Variants in PWWP2B observed in about 807,000 individuals in gnomAD.
PWWP2B encodes the protein PWWP domain containing 2B, also known as PWWP domain-containing protein 2B.
PWWP2B carries 9 observed loss-of-function variants against 15.5 expected under a neutral mutation model. The ratio of observed to expected loss-of-function variants is 0.58; its 90% CI spans 0.35 to 1.02. PWWP2B has a LOEUF of 1.02. Ranked by LOEUF, PWWP2B falls within the 50% of genes least tolerant of loss-of-function variation. The pLI, the probability that PWWP2B is intolerant of heterozygous loss-of-function variation, is 0.02. For synonymous variants in PWWP2B, 474 were observed against 403.6 expected, an observed-to-expected ratio of 1.17 and a Z score of -2.09; for missense variants, 864 against 865.3, an observed-to-expected ratio of 1.00 and a Z score of 0.02.
At position 132,412,016 on chromosome 10, in the gene PWWP2B, TGCAGG is replaced by T. The variant is rs754336402; in HGVS notation, c.*17-5043_*17-5039del. Reference sequence around the variant, plus strand: ...CAGAGGCCTGTAATTCTGAGCCTGCTGCAGGGGCTCAGGCCCCGCCCTACCTCCTG... The same window carrying T: ...CAGAGGCCTGTAATTCTGAGCCTGCTGGCTCAGGCCCCGCCCTACCTCCTG... On this transcript the variant is annotated intron_variant, in intron 2 of 2. Transcript: ENST00000305233. Among the ~76,000 whole-genome samples, 14 of 152,404 alleles carry T rather than the reference TGCAGG, an allele frequency of 9.2e-5. No homozygotes were observed. In the South Asian group the frequency reaches 1.0e-3, roughly 11 times the overall value.
Position 132,404,896 on chromosome 10 carries a change from C to T in PWWP2B, c.396C>T (p.Leu132=), listed in dbSNP as rs770475562. 1 of 1,595,280 alleles carries T rather than the reference C, an allele frequency of 6.3e-7. No individual in the cohort carries two copies. The highest frequency in any genetic ancestry group is 8.5e-7 in the Non-Finnish European group (1 of 1,178,316). Residue 132 remains leucine, a synonymous_variant, in exon 2 of 3, where the codon CTC becomes CTT. Transcript: ENST00000305233. ...CCCCCTTCCCTCACCCGCTGTGGCT[C>T]CGGGACACGTACAAGCTGTGGGTGC... is the stretch of plus-strand genomic sequence containing the variant. The part of the protein sequence containing the change: ...EGAPFPHPLW[L]RDTYKLWVPQ...
At chr10:132,404,556 T>TG in intron 1 of PWWP2B, 70 bp from the exon 2 acceptor site, 1 of 1,382,186 alleles carries the variant, frequency 7.2e-7, no homozygotes, top group Non-Finnish European at 1.0e-6. Context: ...GCCTTGGCTC[T>TG]GGGGGCTGGT....
intron 2 of PWWP2B, among the ~76,000 whole-genome samples, chr10:132,411,184 T>C (rs2069774993): frequency 6.6e-6 from 1 of 152,148 alleles, no homozygotes; most frequent in Non-Finnish European, 1.5e-5. Context: ...CAAGAATCCC[T>C]CTTGCCTCCA....
At chr10:132,410,973 C>T (rs2069771464) in intron 2 of PWWP2B, among the ~76,000 whole-genome samples, 1 of 152,218 alleles carries the variant, frequency 6.6e-6, no homozygotes, top group Non-Finnish European at 1.5e-5. Context: ...CAGCCTCCGT[C>T]AGCAGTTGGG....
chr10:132,409,711 G>A (rs1172150917), intron 2 of PWWP2B, among the ~76,000 whole-genome samples: 1 of 151,370 alleles, frequency 6.6e-6, no homozygotes, highest in Non-Finnish European at 1.5e-5. Context: ...GGGGCCAAAT[G>A]GGGAGGGCTG....
chr10:132,416,737 G>A (rs950798147), intron 2 of PWWP2B, among the ~76,000 whole-genome samples: 2 of 152,096 alleles, frequency 1.3e-5, no homozygotes, highest in Non-Finnish European at 2.9e-5. Flanking sequence ...CCCGGCACAG[G>A]CATGGTCGTC....
intron 1 of PWWP2B, among the ~76,000 whole-genome samples, chr10:132,402,911 C>G (rs1221184146): frequency 2.0e-5 from 3 of 152,238 alleles, no homozygotes; most frequent in Admixed American, 2.0e-4. Context: ...CCAGGTGTGG[C>G]CCGCTGGCCC....
chr10:132,405,278 C>T lies in PWWP2B; in HGVS notation c.778C>T (p.Pro260Ser). The change falls in exon 2 of 3, where the codon CCC (proline) becomes TCC (serine). Residue 260 changes from proline to serine, a missense_variant. By Grantham distance (74) the Pro-to-Ser change is moderately conservative. Coordinates refer to ENST00000305233, the MANE Select transcript of PWWP2B (RefSeq NM_138499.4). Reference sequence around the variant, plus strand: ...GGTCATCAAGATCTCCTACAGCACGCCCCAGGGCAAGGGAGAGGTGGTCAA... The same window carrying T: ...GGTCATCAAGATCTCCTACAGCACGTCCCAGGGCAAGGGAGAGGTGGTCAA... ...SPVIKISYST[P>S]QGKGEVVKIP... 6.2e-7 allele frequency: 1 copy of T among 1,611,856 alleles called. No individual in the cohort carries two copies. The highest frequency in any genetic ancestry group is 1.1e-5 in the South Asian group (1 of 90,990).
At chr10:132,408,923 C>A (rs1335803798) in intron 2 of PWWP2B, among the ~76,000 whole-genome samples, 1 of 152,188 alleles carries the variant, frequency 6.6e-6, no homozygotes, top group Non-Finnish European at 1.5e-5. Flanking sequence ...ACGGGCACAT[C>A]GGCCTCAGCA....
At chr10:132,398,541 T>G (rs1249274042) in intron 1 of PWWP2B, among the ~76,000 whole-genome samples, 1 of 152,236 alleles carries the variant, frequency 6.6e-6, no homozygotes, top group Admixed American at 6.5e-5. Flanking sequence ...TGCCTGGCCT[T>G]TCCTCCCTGA....
At chr10:132,403,996 ACGG>A (rs2133151260) in intron 1 of PWWP2B, among the ~76,000 whole-genome samples, 1 of 29,568 alleles carries the variant, frequency 3.4e-5, no homozygotes, top group South Asian at 8.5e-4. Context: ...CTCCCGTAGG[ACGG>A]CATTCTCCAG....
chr10:132,399,453 C>G (rs1390696981), intron 1 of PWWP2B, among the ~76,000 whole-genome samples: 1 of 152,258 alleles, frequency 6.6e-6, no homozygotes, highest in Admixed American at 6.5e-5. Flanking sequence ...CAGCAGCCAG[C>G]GTTTGTTGTC....
At chr10:132,414,345 G>C (rs894766705) in intron 2 of PWWP2B, among the ~76,000 whole-genome samples, 2 of 152,246 alleles carry the variant, frequency 1.3e-5, no homozygotes, top group Non-Finnish European at 2.9e-5. Context: ...GGGGCTGTGT[G>C]TTTCTTTGCA....
At position 132,411,398 on chromosome 10, in the gene PWWP2B, G is replaced by A. The variant is rs143722095; in HGVS notation, c.*16+5109G>A. On this transcript the variant is annotated intron_variant, in intron 2 of 2. Coordinates refer to ENST00000305233, the MANE Select transcript of PWWP2B (RefSeq NM_138499.4). ...GAAGGTGCCATTCCCAGGCTCCCAG[G>A]ACGAGGAGCACCCGGTCTCATTCAC... Among the ~76,000 whole-genome samples, 1,202 of 152,362 alleles carry A rather than the reference G, an allele frequency of 7.9e-3. 14 individuals are homozygous for A. Among genetic ancestry groups the A allele is most frequent in the African/African-American group, 0.027 (1,117 of 41,578 alleles).
rs565735986 is a variant in PWWP2B at position 132,410,786 on chromosome 10, G to C, written c.*16+4497G>C. ...CCACCGACGTGCGGACTGGAAGCTGGGCACCTCCCTGAAGTGGGGACTCAA... is the reference window on the plus strand; with the variant it reads ...CCACCGACGTGCGGACTGGAAGCTGCGCACCTCCCTGAAGTGGGGACTCAA... On this transcript the variant is annotated intron_variant, in intron 2 of 2. Transcript: ENST00000305233. 4.6e-5 allele frequency among the ~76,000 whole-genome samples: 7 copies of C among 152,278 alleles called. No individual in the cohort carries two copies. In the South Asian group the frequency reaches 1.0e-3, roughly 23 times the overall value.
intron 2 of PWWP2B, among the ~76,000 whole-genome samples, chr10:132,410,276 CAG>C (rs751375146): frequency 2.6e-5 from 4 of 151,282 alleles, no homozygotes; most frequent in African/African-American, 4.9e-5. Flanking sequence ...GGAGGCATCT[CAG>C]GGGAAAGCTC....
chr10:132,415,404 C>A (rs2069834237), intron 2 of PWWP2B, among the ~76,000 whole-genome samples: 1 of 150,168 alleles, frequency 6.7e-6, no homozygotes, highest in African/African-American at 2.5e-5. Flanking sequence ...CACACACATC[C>A]ACTCACACTC....
chr10:132,397,592 G>T (rs2069554675), intron 1 of PWWP2B, among the ~76,000 whole-genome samples: 1 of 150,826 alleles, frequency 6.6e-6, no homozygotes, highest in South Asian at 2.1e-4. Flanking sequence ...GGGCCGGGGC[G>T]GGGGGCGCGG....
Position 132,405,287 on chromosome 10 carries a change from A to C in PWWP2B, c.787A>C (p.Lys263Gln). 1 of 1,612,076 alleles carries C rather than the reference A, an allele frequency of 6.2e-7. No homozygotes were observed. The highest frequency in any genetic ancestry group is 8.5e-7 in the Non-Finnish European group (1 of 1,179,690). Reference protein sequence around the residue: ...IKISYSTPQGKGEVVKIPSRV... With the variant: ...IKISYSTPQGQGEVVKIPSRV... ...GATCTCCTACAGCACGCCCCAGGGC[A>C]AGGGAGAGGTGGTCAAGATCCCCTC... is the stretch of plus-strand genomic sequence containing the variant. Residue 263 changes from lysine to glutamine, a missense_variant, in exon 2 of 3, where the codon AAG becomes CAG. By Grantham distance (53) the Lys-to-Gln change is moderately conservative. Coordinates refer to ENST00000305233, the MANE Select transcript of PWWP2B (RefSeq NM_138499.4).
Sources: allele counts gnomAD v4.1 joint callset (sites outside exome capture counted in the v4.1 genomes callset), GRCh38; gene constraint gnomAD v4.1.1; transcripts MANE v1.5; gene names NCBI Gene and HGNC (gene_info 2026-07-23, HGNC 2026-07-21).